Variants in SLC35F3 observed in about 807,000 individuals in gnomAD.
The protein encoded by SLC35F3 is putative thiamine transporter SLC35F3.
In SLC35F3, 25 loss-of-function variants were observed where a neutral mutation model predicts 49.9. The observed-to-expected ratio is 0.50, with a 90% CI of 0.37 to 0.70. The LOEUF (loss-of-function observed/expected upper bound fraction) is 0.70, where lower values mean the gene tolerates loss of function less well. Among genes scored for constraint, SLC35F3 ranks in the 30% least tolerant of loss-of-function variants. The pLI is 0.00. For synonymous variants in SLC35F3, 275 were observed against 265.4 expected, an observed-to-expected ratio of 1.04 and a Z score of -0.35; for missense variants, 525 against 639.8, an observed-to-expected ratio of 0.82 and a Z score of 1.94.
In SLC35F3 at chr1:233,945,364, C is replaced by T. The variant is rs535315364; in HGVS notation, c.283+39606C>T. On this transcript the variant is annotated intron_variant, in intron 2 of 7. Coordinates refer to ENST00000366618, the MANE Select transcript of SLC35F3 (RefSeq NM_173508.4). Reference sequence around the variant, plus strand: ...ATAGTGGAAATTATTAATTCAGCAACATTATAACAATAAGTGTACTTCTTT... The same window carrying T: ...ATAGTGGAAATTATTAATTCAGCAATATTATAACAATAAGTGTACTTCTTT... Among the ~76,000 whole-genome samples the T allele has an allele frequency of 2.6e-5, 4 of 152,258 alleles. No individual in the cohort carries two copies. The South Asian group carries it at 6.2e-4, about 24-fold the overall frequency.
intron 2 of SLC35F3, among the ~76,000 whole-genome samples, chr1:233,971,570 A>C (rs1319064008): frequency 1.3e-5 from 2 of 152,058 alleles, no homozygotes; most frequent in African/African-American, 4.8e-5. Flanking sequence ...GAATACAAAA[A>C]TTAGCCAGCG....
chr1:233,930,891 G>A (rs534629146), intron 2 of SLC35F3, among the ~76,000 whole-genome samples: 1 of 152,188 alleles, frequency 6.6e-6, no homozygotes, highest in South Asian at 2.1e-4. Flanking sequence ...GGAGTGGGAG[G>A]AAAATAAGGG....
At chr1:234,104,417 A>T (rs1171394444) in intron 2 of SLC35F3, among the ~76,000 whole-genome samples, 1 of 152,188 alleles carries the variant, frequency 6.6e-6, no homozygotes, top group Non-Finnish European at 1.5e-5. Flanking sequence ...GAATGTCTAG[A>T]AGTTCAGAGA....
chr1:234,198,938 G>A (rs1666855903), intron 2 of SLC35F3, among the ~76,000 whole-genome samples: 1 of 152,090 alleles, frequency 6.6e-6, no homozygotes, highest in Non-Finnish European at 1.5e-5. Flanking sequence ...CAGCATGGCA[G>A]CTGGGTGCAA....
chr1:234,238,534 C>T (rs1365036880), intron 3 of SLC35F3, among the ~76,000 whole-genome samples: 2 of 152,174 alleles, frequency 1.3e-5, no homozygotes, highest in African/African-American at 4.8e-5. Flanking sequence ...TACACCAGGT[C>T]CCACCACTCC....
chr1:234,229,601 T>G (rs1285744806), intron 2 of SLC35F3, among the ~76,000 whole-genome samples: 1 of 152,250 alleles, frequency 6.6e-6, no homozygotes, highest in African/African-American at 2.4e-5. Context: ...GAGTCCATTC[T>G]TTCACTGGAA....
At chr1:234,034,764 C>A (rs1664116901) in intron 2 of SLC35F3, among the ~76,000 whole-genome samples, 1 of 152,164 alleles carries the variant, frequency 6.6e-6, no homozygotes, top group South Asian at 2.1e-4. Context: ...CTCAAGTGAT[C>A]CACCTACCTT....
At chr1:234,092,218 C>T (rs570944826) in intron 2 of SLC35F3, among the ~76,000 whole-genome samples, 1 of 152,320 alleles carries the variant, frequency 6.6e-6, no homozygotes, top group African/African-American at 2.4e-5. Flanking sequence ...GAGTTTATCT[C>T]TGTCTGGCTT....
intron 3 of SLC35F3, among the ~76,000 whole-genome samples, chr1:234,299,058 A>G (rs923547449): frequency 1.3e-5 from 2 of 152,200 alleles, no homozygotes; most frequent in Admixed American, 6.5e-5. Flanking sequence ...GGAGGACAAA[A>G]AGCTAGAAAT....
In SLC35F3 at chr1:234,214,582, G is replaced by T. The variant is rs751009350; in HGVS notation, c.284-16835G>T. The T allele has an allele frequency of 2.1e-5, 32 of 1,534,154 alleles. No individual in the cohort carries two copies. Among genetic ancestry groups the T allele is most frequent in the Non-Finnish European group, 2.6e-5 (30 of 1,141,746 alleles). ...CCCTTACCAAAGTGGAAGGTAATGC[G>T]CGGCCGCCTCGCCCCGGGGGTCCCT... On this transcript the variant is annotated intron_variant, in intron 2 of 7. Transcript: ENST00000366618. The surrounding 1 kb of genome is among the most constrained non-coding windows in gnomAD (Gnocchi z 8.0).
rs191767359 is a variant in SLC35F3, at chr1:234,066,857, C to G, written c.283+161099C>G. Among the ~76,000 whole-genome samples, 421 of 151,002 alleles carry G rather than the reference C, an allele frequency of 2.8e-3. 1 individual carries two copies. The highest frequency in any genetic ancestry group is 0.01 in the Middle Eastern group (3 of 292). On this transcript the variant is annotated intron_variant, in intron 2 of 7. Coordinates refer to ENST00000366618, the MANE Select transcript of SLC35F3 (RefSeq NM_173508.4). The stretch of plus-strand genomic sequence containing the variant: ...ACACACACACACACACACACACACA[C>G]ACACACACACACACACACAATTATA...
intron 2 of SLC35F3, among the ~76,000 whole-genome samples, chr1:233,995,148 T>A (rs1663437319): frequency 6.6e-6 from 1 of 152,212 alleles, no homozygotes; most frequent in Admixed American, 6.5e-5. Flanking sequence ...AACATCATCA[T>A]CAATGGGAGA....
intron 2 of SLC35F3, among the ~76,000 whole-genome samples, chr1:234,223,697 C>T (rs1667243074): frequency 6.6e-6 from 1 of 152,206 alleles, no homozygotes; most frequent in Non-Finnish European, 1.5e-5. Context: ...AGTGGTGGCT[C>T]TTGGTCCATG....
intron 6 of SLC35F3, 101 bp downstream of exon 6, chr1:234,319,044 A>G: frequency 2.1e-6 from 2 of 948,522 alleles, no homozygotes; most frequent in Non-Finnish European, 3.2e-6. Context: ...GCTCTTTGCT[A>G]TTCTTTAGTT....
At position 234,278,494 on chromosome 1, in the gene SLC35F3, GA is replaced by G. The variant is rs564341361; in HGVS notation, c.609-30596del. ...AACAGAGCGAGACTCTGTTTCAAAAGAAAAAAAAAAACGAAAAAAAAAGAGA... is the reference window on the plus strand; with the variant it reads ...AACAGAGCGAGACTCTGTTTCAAAAGAAAAAAAAAACGAAAAAAAAAGAGA... On this transcript the variant is annotated intron_variant, in intron 3 of 7. Coordinates refer to ENST00000366618, the MANE Select transcript of SLC35F3 (RefSeq NM_173508.4). Among the ~76,000 whole-genome samples the G allele has an allele frequency of 2.5e-3, 260 of 105,556 alleles. 1 individual carries two copies. The highest frequency in any genetic ancestry group is 7.1e-3 in the African/African-American group (203 of 28,780). 69.2% of individuals were successfully genotyped at this position (105,556 alleles called of 152,430 possible). A position where few individuals can be genotyped will look rare whatever the true frequency, so the allele number is the denominator to read the frequency against.
intron 3 of SLC35F3, among the ~76,000 whole-genome samples, chr1:234,304,217 A>G (rs969384642): frequency 6.6e-6 from 1 of 151,900 alleles, no homozygotes; most frequent in East Asian, 1.9e-4. Flanking sequence ...GCTGGAGTGC[A>G]GTGGCATGAT....
At chr1:234,239,548 A>G (rs1667522174) in intron 3 of SLC35F3, among the ~76,000 whole-genome samples, 1 of 152,218 alleles carries the variant, frequency 6.6e-6, no homozygotes, top group Admixed American at 6.5e-5. Context: ...GATCCAACTT[A>G]TTCATATTAT....
At chr1:234,093,179 A>C (rs1001028495) in intron 2 of SLC35F3, among the ~76,000 whole-genome samples, 8 of 152,236 alleles carry the variant, frequency 5.3e-5, no homozygotes, top group African/African-American at 9.6e-5. Context: ...ACCCATGAGA[A>C]TGTGCAGGAC....
intron 3 of SLC35F3, among the ~76,000 whole-genome samples, chr1:234,269,885 C>A (rs113044509): frequency 6.6e-6 from 1 of 152,164 alleles, no homozygotes; most frequent in African/African-American, 2.4e-5. Flanking sequence ...GCTCCCCTTC[C>A]GCTTCTGCCA....
Sources: allele counts gnomAD v4.1 joint callset (sites outside exome capture counted in the v4.1 genomes callset), GRCh38; gene constraint gnomAD v4.1.1; non-coding constraint Gnocchi (gnomAD v3.1); transcripts MANE v1.5; gene names NCBI Gene and HGNC (gene_info 2026-07-23, HGNC 2026-07-21).